HS6ST3: variants seen among roughly 807,000 people sequenced by gnomAD.
HS6ST3 encodes heparan sulfate 6-O-sulfotransferase 3.
A neutral mutation model predicts 36.7 loss-of-function variants in HS6ST3; 12 were observed. The observed-to-expected ratio is 0.33, with a 90% CI of 0.21 to 0.53. The LOEUF (loss-of-function observed/expected upper bound fraction) is 0.53. Among genes scored for constraint, HS6ST3 ranks in the 20% least tolerant of loss-of-function variants. The pLI is 0.95. For synonymous variants in HS6ST3, 240 were observed against 257.5 expected, an observed-to-expected ratio of 0.93 and a Z score of 0.65; for missense variants, 584 against 640.9, an observed-to-expected ratio of 0.91 and a Z score of 0.96.
At chr13:96,302,838 C>T (rs2054890565) in intron 1 of HS6ST3, among the ~76,000 whole-genome samples, 1 of 152,066 alleles carries the variant, frequency 6.6e-6, no homozygotes, top group Non-Finnish European at 1.5e-5. Flanking sequence ...TGTGCTATCT[C>T]TTGTTTTAAG....
chr13:96,117,764 G>T (rs1262886240), intron 1 of HS6ST3, among the ~76,000 whole-genome samples: 1 of 152,108 alleles, frequency 6.6e-6, no homozygotes, highest in Admixed American at 6.6e-5. Flanking sequence ...CTAGAAAATG[G>T]ATTGAGATAA....
chr13:96,247,436 A>C (rs1045584184), intron 1 of HS6ST3, among the ~76,000 whole-genome samples: 1 of 152,026 alleles, frequency 6.6e-6, no homozygotes, highest in Non-Finnish European at 1.5e-5. Flanking sequence ...ATGAGTTCTC[A>C]TGAGATCTGC....
intron 1 of HS6ST3, among the ~76,000 whole-genome samples, chr13:96,331,410 C>T (rs911628774): frequency 4.6e-5 from 7 of 152,042 alleles, no homozygotes; most frequent in African/African-American, 9.7e-5. Context: ...ACAGGACCCT[C>T]AGCTGCAGGT....
At chr13:96,219,967 C>G (rs1401351864) in intron 1 of HS6ST3, among the ~76,000 whole-genome samples, 1 of 152,214 alleles carries the variant, frequency 6.6e-6, no homozygotes, top group African/African-American at 2.4e-5. Context: ...CAGGTGTGAG[C>G]CACAGCTCCC....
chr13:96,255,418 G>A (rs2139380103), intron 1 of HS6ST3, among the ~76,000 whole-genome samples: 1 of 152,118 alleles, frequency 6.6e-6, no homozygotes, highest in South Asian at 2.1e-4. Context: ...TATTATATAG[G>A]CCTAGATTTT....
intron 1 of HS6ST3, among the ~76,000 whole-genome samples, chr13:96,744,329 T>C (rs1274613405): frequency 2.0e-5 from 3 of 152,088 alleles, no homozygotes; most frequent in African/African-American, 7.2e-5. Flanking sequence ...ATAATCATAT[T>C]TTTTACAACA....
chr13:96,683,276 T>A (rs1301874669), intron 1 of HS6ST3, among the ~76,000 whole-genome samples: 5 of 152,082 alleles, frequency 3.3e-5, no homozygotes, highest in Non-Finnish European at 5.9e-5. Flanking sequence ...AAAGGAGGAA[T>A]CTAATCTCAT....
Position 96,250,884 on chromosome 13 carries a change from A to G in HS6ST3, c.707+159315A>G, listed in dbSNP as rs540637943. Among the ~76,000 whole-genome samples the G allele has an allele frequency of 2.5e-4, 38 of 152,288 alleles. No individual in the cohort carries two copies. In the South Asian group the frequency reaches 6.6e-3, roughly 27 times the overall value. ...CTTCATTCCATTATTGTGGTGGATCACATTTATTTATTTGTAGACTTGAGC... is the reference window on the plus strand; with the variant it reads ...CTTCATTCCATTATTGTGGTGGATCGCATTTATTTATTTGTAGACTTGAGC... On this transcript the variant is annotated intron_variant, in intron 1 of 1. Transcript: ENST00000376705.
At chr13:96,442,242 G>T (rs2055675267) in intron 1 of HS6ST3, among the ~76,000 whole-genome samples, 1 of 152,150 alleles carries the variant, frequency 6.6e-6, no homozygotes, top group African/African-American at 2.4e-5. Flanking sequence ...TTGAACTCCT[G>T]AGCTCAGGTA....
chr13:96,262,664 C>G (rs2054671993), intron 1 of HS6ST3, among the ~76,000 whole-genome samples: 1 of 152,136 alleles, frequency 6.6e-6, no homozygotes, highest in Admixed American at 6.6e-5. Flanking sequence ...ATTCAGCTAA[C>G]CTGACTGTTG....
chr13:96,176,126 G>A (rs1476979551), intron 1 of HS6ST3, among the ~76,000 whole-genome samples: 1 of 152,044 alleles, frequency 6.6e-6, no homozygotes, highest in African/African-American at 2.4e-5. Context: ...ACCATTCCTG[G>A]CCAAATATAT....
intron 1 of HS6ST3, among the ~76,000 whole-genome samples, chr13:96,438,265 T>C (rs981483022): frequency 6.6e-6 from 1 of 152,234 alleles, no homozygotes; most frequent in African/African-American, 2.4e-5. Flanking sequence ...ATGTTTGGTA[T>C]ATAAAACAAG....
chr13:96,232,552 G>T (rs1375925980), intron 1 of HS6ST3, among the ~76,000 whole-genome samples: 2 of 152,128 alleles, frequency 1.3e-5, no homozygotes, highest in African/African-American at 2.4e-5. Context: ...ATCTAAATAG[G>T]TTGGTGAAGA....
At chr13:96,820,868 CTT>C (rs1878519655) in intron 1 of HS6ST3, among the ~76,000 whole-genome samples, 1 of 152,246 alleles carries the variant, frequency 6.6e-6, no homozygotes, top group Non-Finnish European at 1.5e-5. Flanking sequence ...TCTCTGAACA[CTT>C]TTCTGAGTCT....
At chr13:96,509,512 G>T (rs1434437077) in intron 1 of HS6ST3, among the ~76,000 whole-genome samples, 1 of 152,064 alleles carries the variant, frequency 6.6e-6, no homozygotes, top group African/African-American at 2.4e-5. Context: ...ATCTTGAGTT[G>T]ATTTTTGTAT....
chr13:96,331,930 A>G (rs1594755608), intron 1 of HS6ST3, among the ~76,000 whole-genome samples: 2 of 152,124 alleles, frequency 1.3e-5, no homozygotes, highest in African/African-American at 4.8e-5. Flanking sequence ...TTCGGTTGGG[A>G]GTGACCAGAT....
intron 1 of HS6ST3, among the ~76,000 whole-genome samples, chr13:96,153,349 C>T (rs781536703): frequency 1.9e-4 from 29 of 152,176 alleles, no homozygotes; most frequent in Non-Finnish European, 2.9e-4. Flanking sequence ...TAACCAAATG[C>T]GAGAAATAAC....
At chr13:96,093,653 C>G (rs1052405725) in intron 1 of HS6ST3, among the ~76,000 whole-genome samples, 1 of 152,010 alleles carries the variant, frequency 6.6e-6, no homozygotes, top group Non-Finnish European at 1.5e-5. Flanking sequence ...CACCCTCTCT[C>G]TCTCCCCAGT....
chr13:96,188,809 A>G (rs903205111), intron 1 of HS6ST3, among the ~76,000 whole-genome samples: 3 of 152,116 alleles, frequency 2.0e-5, no homozygotes, highest in Non-Finnish European at 4.4e-5. Flanking sequence ...GGGGATATTT[A>G]TTGTCCATAA....
Sources: allele counts gnomAD v4.1 joint callset (sites outside exome capture counted in the v4.1 genomes callset), GRCh38; gene constraint gnomAD v4.1.1; transcripts MANE v1.5; gene names NCBI Gene and HGNC (gene_info 2026-07-23, HGNC 2026-07-21).